Variants in GULP1 observed in about 807,000 individuals in gnomAD.
The protein encoded by GULP1 is PTB domain-containing engulfment adapter protein 1.
In GULP1, 19 loss-of-function variants were observed where a neutral mutation model predicts 40.9. The ratio of observed to expected loss-of-function variants is 0.46; its 90% CI spans 0.32 to 0.68. The LOEUF (loss-of-function observed/expected upper bound fraction) is 0.68, where lower values mean the gene tolerates loss of function less well. Ranked by LOEUF, GULP1 falls within the 30% of genes least tolerant of loss-of-function variation. The probability of loss-of-function intolerance (pLI) is 0.03; values close to 1 mark genes in which losing one functional copy is unlikely to be tolerated. For missense variants in GULP1, 312 were observed against 362.2 expected (o/e 0.86, Z 1.12); for synonymous variants, 119 against 117.6 (o/e 1.01, Z -0.08).
intron 2 of GULP1, among the ~76,000 whole-genome samples, chr2:188,470,541 T>A (rs1487009652): frequency 1.3e-5 from 2 of 152,048 alleles, no homozygotes; most frequent in African/African-American, 4.8e-5. Flanking sequence ...TTTGATGGAG[T>A]CACTTATGGC....
intron 8 of GULP1, 140 bp downstream of exon 8, chr2:188,569,495 TA>T (rs1698564558): frequency 1.5e-6 from 1 of 668,292 alleles, no homozygotes; most frequent in Non-Finnish European, 2.7e-6. Flanking sequence ...CGTGTTCCCA[TA>T]ATTTTTCGTT....
intron 2 of GULP1, among the ~76,000 whole-genome samples, chr2:188,442,966 G>A (rs957596391): frequency 2.8e-4 from 42 of 152,098 alleles, no homozygotes; most frequent in African/African-American, 9.9e-4. Flanking sequence ...ATATACAGGT[G>A]CATAAACAGT....
intron 6 of GULP1, among the ~76,000 whole-genome samples, chr2:188,537,950 T>C (rs911333334): frequency 2.0e-5 from 3 of 152,108 alleles, no homozygotes; most frequent in African/African-American, 7.2e-5. Flanking sequence ...CAATTTCCTC[T>C]AGATTTTCTA....
intron 8 of GULP1, 134 bp from the exon 9 acceptor site, chr2:188,569,894 T>A (rs1214706952): frequency 5.7e-6 from 3 of 529,142 alleles, no homozygotes; most frequent in East Asian, 6.8e-5. Context: ...CCAAGCTTTA[T>A]CAAACAATTT....
chr2:188,545,919 G>T (rs1271119699), intron 7 of GULP1, among the ~76,000 whole-genome samples: 1 of 151,786 alleles, frequency 6.6e-6, no homozygotes, highest in Non-Finnish European at 1.5e-5. Flanking sequence ...ATTATTCAGA[G>T]AAAGCAGTAG....
Position 188,307,596 on chromosome 2 carries a change from A to G in GULP1, c.-172+15430A>G, listed in dbSNP as rs140210486. The stretch of plus-strand genomic sequence containing the variant: ...TCAATAGTTTTCAATTATATAATTA[A>G]TTTATGCTGTTGAAACACATTTAAG... On this transcript the variant is annotated intron_variant, in intron 1 of 11. Coordinates refer to ENST00000409830, the MANE Select transcript of GULP1 (RefSeq NM_016315.4). 3.9e-3 allele frequency among the ~76,000 whole-genome samples: 600 copies of G among 152,308 alleles called. 10 individuals are homozygous for G. The highest frequency in any genetic ancestry group is 0.013 in the African/African-American group (558 of 41,568).
chr2:188,581,594 A>G (rs1437181488), intron 9 of GULP1, among the ~76,000 whole-genome samples: 2 of 152,198 alleles, frequency 1.3e-5, no homozygotes, highest in African/African-American at 2.4e-5. Context: ...AGTCATGCAC[A>G]TACTGATGTT....
At chr2:188,338,464 C>G (rs2042561621) in intron 1 of GULP1, among the ~76,000 whole-genome samples, 1 of 151,750 alleles carries the variant, frequency 6.6e-6, no homozygotes, top group Non-Finnish European at 1.5e-5. Context: ...CCCACCACAC[C>G]CAGCTAATTT....
chr2:188,417,154 T>C lies in GULP1; in HGVS notation c.-45+33265T>C, dbSNP rs574008208. 2.8e-4 allele frequency among the ~76,000 whole-genome samples: 43 copies of C among 152,366 alleles called. No individual in the cohort carries two copies. In the South Asian group the frequency reaches 8.9e-3, roughly 32 times the overall value. The stretch of plus-strand genomic sequence containing the variant: ...AAAGTAGTGTCAGTTTGGTTGCTTT[T>C]GGTGCCTTGTCTCATTTATTATGAC... On this transcript the variant is annotated intron_variant, in intron 2 of 11. Transcript: ENST00000409830.
In GULP1 at chr2:188,447,774, A is replaced by G. The variant is rs564752049; in HGVS notation, c.-44-29885A>G. 6.6e-5 allele frequency among the ~76,000 whole-genome samples: 10 copies of G among 152,316 alleles called. No individual in the cohort carries two copies. In the South Asian group the frequency reaches 2.1e-3, roughly 32 times the overall value. Reference sequence around the variant, plus strand: ...ATCAACTCTTCAGCACTCTCTGCAAATGAGATTGAAATGAGGAATTTCAGC... The same window carrying G: ...ATCAACTCTTCAGCACTCTCTGCAAGTGAGATTGAAATGAGGAATTTCAGC... On this transcript the variant is annotated intron_variant, in intron 2 of 11. Coordinates refer to ENST00000409830, the MANE Select transcript of GULP1 (RefSeq NM_016315.4).
intron 1 of GULP1, among the ~76,000 whole-genome samples, chr2:188,326,176 T>C (rs887201523): frequency 2.0e-5 from 3 of 152,116 alleles, no homozygotes; most frequent in Admixed American, 6.6e-5. Context: ...GGTGGGATAC[T>C]TGAGGTTTTC....
chr2:188,541,418 C>A (rs1344687774), intron 7 of GULP1, 100 bp downstream of exon 7: 5 of 990,152 alleles, frequency 5.0e-6, no homozygotes, highest in Admixed American at 3.4e-5. Flanking sequence ...GAATAATTTT[C>A]TGTAAATTAT....
Position 188,570,059 on chromosome 2 carries a change from T to C in GULP1, c.548T>C (p.Leu183Pro). 7.0e-7 allele frequency: 1 copy of C among 1,434,668 alleles called. No individual in the cohort carries two copies. The highest frequency in any genetic ancestry group is 9.7e-7 in the Non-Finnish European group (1 of 1,029,366). The allele number at this position is 1,434,668 out of a possible 1,614,324, so 88.9% of individuals were successfully genotyped here. A position where few individuals can be genotyped will look rare whatever the true frequency, so the allele number is the denominator to read the frequency against. Residue 183 changes from leucine to proline, a missense_variant, in exon 9 of 12, where the codon CTT becomes CCT. Physicochemically the swap from Leu to Pro is moderately conservative, Grantham distance 98 (BLOSUM62 -3). Coordinates refer to ENST00000409830, the MANE Select transcript of GULP1 (RefSeq NM_016315.4). ...GACTTAGAAACAGAAAATATGGAACTTAAAAATAAAGTACAAGATTTGGAA... is the reference window on the plus strand; with the variant it reads ...GACTTAGAAACAGAAAATATGGAACCTAAAAATAAAGTACAAGATTTGGAA... ...IQDLETENME[L>P]KNKVQDLENQ...
intron 2 of GULP1, among the ~76,000 whole-genome samples, chr2:188,420,903 G>A (rs2152765143): frequency 6.6e-6 from 1 of 152,246 alleles, no homozygotes; most frequent in South Asian, 2.1e-4. Context: ...TGGCTTGAAG[G>A]TTAAGTTTCA....
chr2:188,575,770 A>C (rs1700056380), intron 9 of GULP1, among the ~76,000 whole-genome samples: 1 of 152,156 alleles, frequency 6.6e-6, no homozygotes, highest in Non-Finnish European at 1.5e-5. Flanking sequence ...TTTTTAATGC[A>C]ATGATATGTC....
intron 2 of GULP1, among the ~76,000 whole-genome samples, chr2:188,474,829 A>C (rs1227337805): frequency 6.6e-6 from 1 of 152,182 alleles, no homozygotes; most frequent in Non-Finnish European, 1.5e-5. Flanking sequence ...ACAATTTTTT[A>C]ATAATAGGGA....
intron 1 of GULP1, among the ~76,000 whole-genome samples, chr2:188,375,920 A>G (rs2048236796): frequency 6.6e-6 from 1 of 152,088 alleles, no homozygotes; most frequent in Admixed American, 6.6e-5. Flanking sequence ...ACCAGCAGAT[A>G]CCAAAATCTG....
chr2:188,399,020 C>G (rs1309190855), intron 2 of GULP1, among the ~76,000 whole-genome samples: 2 of 152,140 alleles, frequency 1.3e-5, no homozygotes, highest in Non-Finnish European at 2.9e-5. Flanking sequence ...ACTTTTTGAT[C>G]AGGCAACCAT....
intron 1 of GULP1, among the ~76,000 whole-genome samples, chr2:188,325,477 C>T (rs1464608243): frequency 6.6e-6 from 1 of 151,950 alleles, no homozygotes; most frequent in Non-Finnish European, 1.5e-5. Flanking sequence ...ATACGATATT[C>T]GTGATTTAAG....
Sources: gnomAD v4.1 joint callset for allele counts (sites outside exome capture counted in the v4.1 genomes callset) on GRCh38, gnomAD v4.1.1 for gene constraint, MANE v1.5 for transcripts, NCBI Gene and HGNC (gene_info 2026-07-23, HGNC 2026-07-21) for gene names.